ZNF713: variants seen among roughly 807,000 people sequenced by gnomAD.
The protein encoded by ZNF713 is zinc finger protein 713.
A neutral mutation model predicts 28.7 loss-of-function variants in ZNF713; 21 were observed. The observed-to-expected ratio is 0.73, with a 90% confidence interval of 0.52 to 1.05. The LOEUF is 1.05. ZNF713 is among the 50% of genes least tolerant of loss of function. The probability of loss-of-function intolerance (pLI) is 0.00; values close to 1 mark genes in which losing one functional copy is unlikely to be tolerated. For synonymous variants in ZNF713, 167 were observed against 178.0 expected (o/e 0.94, Z 0.49); for missense variants, 458 against 532.4 (o/e 0.86, Z 1.37).
At chr7:55,935,683 G>A (rs1786330679) in intron 6 of ZNF713, among the ~76,000 whole-genome samples, 1 of 152,160 alleles carries the variant, frequency 6.6e-6, no homozygotes, top group Non-Finnish European at 1.5e-5. Flanking sequence ...GCCAGGCGCG[G>A]TGGCTCACGC....
intron 1 of ZNF713, among the ~76,000 whole-genome samples, chr7:55,889,726 G>C (rs182035108): frequency 2.6e-5 from 4 of 152,280 alleles, no homozygotes; most frequent in African/African-American, 9.6e-5. Flanking sequence ...TTTGAGTGCA[G>C]ATTTGTATGT....
Position 55,892,277 on chromosome 7 carries a change from CAAAAAAAAAAA to C in ZNF713, c.-583+4614_-583+4624del, listed in dbSNP as rs71561974. On this transcript the variant is annotated intron_variant, in intron 1 of 6. Coordinates refer to ENST00000429591, the MANE Select transcript of ZNF713 (RefSeq NM_182633.3). ...TGGGCGACAGAGTGAGACTCCATCT[CAAAAAAAAAAA>C]AAAAAAAAAAAAAAAACCCCAGGAA... is the stretch of plus-strand genomic sequence containing the variant. Among the ~76,000 whole-genome samples the C allele has an allele frequency of 8.8e-4, 53 of 60,512 alleles. 1 individual carries two copies. Among genetic ancestry groups the C allele is most frequent in the Middle Eastern group, 0.01 (1 of 98 alleles). The allele number at this position is 60,512 out of a possible 152,430, so 39.7% of individuals were successfully genotyped here. A position where few individuals can be genotyped will look rare whatever the true frequency, so the allele number is the denominator to read the frequency against.
At chr7:55,923,721 C>A in intron 6 of ZNF713, 22 bp downstream of exon 6, 1 of 1,594,846 alleles carries the variant, frequency 6.3e-7, no homozygotes, top group Non-Finnish European at 8.6e-7. Flanking sequence ...CTCTTGGGCA[C>A]TGCTACTTAA....
At chr7:55,898,063 G>A (rs1785505511) in intron 1 of ZNF713, among the ~76,000 whole-genome samples, 1 of 152,158 alleles carries the variant, frequency 6.6e-6, no homozygotes, top group African/African-American at 2.4e-5. Flanking sequence ...GGAGAAGAGA[G>A]GGGTTGAAGA....
At chr7:55,892,341 C>T (rs144001298) in intron 1 of ZNF713, among the ~76,000 whole-genome samples, 97 of 149,474 alleles carry the variant, frequency 6.5e-4, no homozygotes, top group African/African-American at 2.3e-3. Context: ...GTGTTCGTGC[C>T]ATACAGAACC....
At chr7:55,904,876 A>G (rs1785650211) in intron 1 of ZNF713, among the ~76,000 whole-genome samples, 2 of 152,026 alleles carry the variant, frequency 1.3e-5, no homozygotes, top group Admixed American at 1.3e-4. Flanking sequence ...ACAGGCATGC[A>G]CCACCACACC....
At chr7:55,895,994 A>G (rs961505285) in intron 1 of ZNF713, among the ~76,000 whole-genome samples, 2 of 152,108 alleles carry the variant, frequency 1.3e-5, no homozygotes, top group Admixed American at 6.6e-5. Flanking sequence ...ACCTTACTGT[A>G]TGGAAAATTA....
chr7:55,888,273 C>G (rs540739572), intron 1 of ZNF713, among the ~76,000 whole-genome samples: 1 of 152,144 alleles, frequency 6.6e-6, no homozygotes, highest in South Asian at 2.1e-4. Context: ...TAGAGATTAC[C>G]TTTTTCTCTC....
At chr7:55,897,364 C>T (rs893332846) in intron 1 of ZNF713, among the ~76,000 whole-genome samples, 14 of 151,852 alleles carry the variant, frequency 9.2e-5, no homozygotes, top group Non-Finnish European at 1.3e-4. Context: ...ACTGCAGCCT[C>T]GACCTTCCAG....
intron 5 of ZNF713, 39 bp from the exon 6 acceptor site, chr7:55,923,568 A>C: frequency 6.6e-7 from 1 of 1,518,668 alleles, no homozygotes; most frequent in Non-Finnish European, 9.0e-7. Flanking sequence ...TTTTGTTCCC[A>C]GTACAAACTC....
Position 55,940,044 on chromosome 7 carries a change from G to A in ZNF713, c.*38G>A, listed in dbSNP as rs1786434132. The A allele has an allele frequency of 6.6e-7, 1 of 1,512,216 alleles. No individual in the cohort carries two copies. Among genetic ancestry groups the A allele is most frequent in the African/African-American group, 1.4e-5 (1 of 71,674 alleles). The allele number at this position is 1,512,216 out of a possible 1,614,324, so 93.7% of individuals were successfully genotyped here. A position where few individuals can be genotyped will look rare whatever the true frequency, so the allele number is the denominator to read the frequency against. On this transcript the variant is annotated 3_prime_UTR_variant, in exon 7 of 7. Transcript: ENST00000429591. ...GAAATCAGATAAATATATAAATGTA[G>A]GAGATTTTTTGGTCAGACCTTTTTA... is the stretch of plus-strand genomic sequence containing the variant.
intron 6 of ZNF713, 142 bp from the exon 7 acceptor site, chr7:55,938,840 T>G (rs1005766579): frequency 2.4e-6 from 2 of 833,530 alleles, no homozygotes; most frequent in African/African-American, 1.7e-5. Context: ...GTGGCCACAT[T>G]GAAAAACTTT....
At chr7:55,938,115 A>G (rs1435565438) in intron 6 of ZNF713, among the ~76,000 whole-genome samples, 1 of 151,636 alleles carries the variant, frequency 6.6e-6, no homozygotes, top group Non-Finnish European at 1.5e-5. Context: ...GAAGCAGGAG[A>G]GTTGCTTGAA....
chr7:55,908,135 GTTTTTTTTTTTTT>G (rs71015120), intron 2 of ZNF713, among the ~76,000 whole-genome samples: 1 of 54,656 alleles, frequency 1.8e-5, no homozygotes, highest in Non-Finnish European at 3.5e-5. Context: ...ATCCGTTGTT[GTTTTTTTTTTTTT>G]TTTTTTTTTT....
At chr7:55,897,573 G>C (rs771573973) in intron 1 of ZNF713, among the ~76,000 whole-genome samples, 7 of 152,014 alleles carry the variant, frequency 4.6e-5, no homozygotes, top group Non-Finnish European at 1.0e-4. Context: ...ACAAGCATGA[G>C]CCACTGCGTC....
intron 6 of ZNF713, among the ~76,000 whole-genome samples, chr7:55,928,775 C>T (rs760058382): frequency 6.6e-6 from 1 of 152,070 alleles, no homozygotes; most frequent in African/African-American, 2.4e-5. Context: ...CAAAAATAAA[C>T]CTGAATAAAT....
At chr7:55,896,870 T>C (rs917031619) in intron 1 of ZNF713, among the ~76,000 whole-genome samples, 3 of 152,026 alleles carry the variant, frequency 2.0e-5, no homozygotes, top group African/African-American at 7.2e-5. Flanking sequence ...ACATCTTATA[T>C]TGCCAAGAAG....
At chr7:55,896,672 TATAA>T (rs1369960131) in intron 1 of ZNF713, among the ~76,000 whole-genome samples, 1 of 151,614 alleles carries the variant, frequency 6.6e-6, no homozygotes, top group East Asian at 1.9e-4. Context: ...TGTATATATA[TATAA>T]ATATTATATA....
At position 55,912,851 on chromosome 7, in the gene ZNF713, A is replaced by G. The variant is rs929751185; in HGVS notation, c.87+128A>G. 14 of 697,620 alleles carry G rather than the reference A, an allele frequency of 2.0e-5. No homozygotes were observed. The Admixed American group carries it at 3.4e-4, about 17-fold the overall frequency. 43.2% of individuals were successfully genotyped at this position (697,620 alleles called of 1,614,324 possible). On this transcript the variant is annotated intron_variant, in intron 4 of 6. Coordinates refer to ENST00000429591, the MANE Select transcript of ZNF713 (RefSeq NM_182633.3). The stretch of plus-strand genomic sequence containing the variant: ...CCAGGAGATTCATGTGACAGATGAT[A>G]TACTCTCCACAGCATGTTTTCCATT...
Sources: allele counts gnomAD v4.1 joint callset (sites outside exome capture counted in the v4.1 genomes callset), GRCh38; gene constraint gnomAD v4.1.1; transcripts MANE v1.5; gene names NCBI Gene and HGNC (gene_info 2026-07-23, HGNC 2026-07-21).